The following SLC9A9 variants were observed in gnomAD, a reference collection of about 807,000 sequenced individuals.
SLC9A9 encodes solute carrier family 9 member A9, also known as sodium/hydrogen exchanger 9.
In SLC9A9, 62 loss-of-function variants were observed where a neutral mutation model predicts 77.8. That is an observed-to-expected ratio of 0.80 (90% CI 0.65 to 0.98). SLC9A9 has a LOEUF of 0.98. Among genes scored for constraint, SLC9A9 ranks in the 50% least tolerant of loss-of-function variants. The pLI is 0.00. For synonymous variants in SLC9A9, 320 were observed against 283.5 expected (o/e 1.13, Z -1.29); for missense variants, 775 against 774.9 (o/e 1.00, Z 0.00).
intron 2 of SLC9A9, among the ~76,000 whole-genome samples, chr3:143,821,684 C>A (rs1013118070): frequency 2.0e-5 from 3 of 152,178 alleles, no homozygotes; most frequent in South Asian, 4.1e-4. Flanking sequence ...TGATTTGTAC[C>A]TTTTGCCAAT....
chr3:143,350,008 T>C (rs1405481672), intron 14 of SLC9A9, among the ~76,000 whole-genome samples: 5 of 152,110 alleles, frequency 3.3e-5, no homozygotes, highest in African/African-American at 1.2e-4. Flanking sequence ...ATGGAGCAGG[T>C]TCATATAAAT....
intron 12 of SLC9A9, among the ~76,000 whole-genome samples, chr3:143,383,526 T>C (rs1027249562): frequency 6.6e-6 from 1 of 152,202 alleles, no homozygotes; most frequent in Non-Finnish European, 1.5e-5. Context: ...GTGTTGAAAC[T>C]ATGTATTTTT....
chr3:143,707,976 G>A (rs1013621860), intron 4 of SLC9A9, among the ~76,000 whole-genome samples: 3 of 152,148 alleles, frequency 2.0e-5, no homozygotes, highest in East Asian at 3.9e-4. Flanking sequence ...ACCCTTGCAT[G>A]TTTGGGTCAG....
intron 12 of SLC9A9, among the ~76,000 whole-genome samples, chr3:143,402,539 T>C (rs780678171): frequency 7.3e-5 from 11 of 151,710 alleles, no homozygotes; most frequent in Non-Finnish European, 1.6e-4. Flanking sequence ...TCCTGGGACC[T>C]TGTTGTTGAG....
At chr3:143,605,798 GT>G (rs1220826315) in intron 6 of SLC9A9, among the ~76,000 whole-genome samples, 1 of 152,148 alleles carries the variant, frequency 6.6e-6, no homozygotes, top group African/African-American at 2.4e-5. Flanking sequence ...TGTTAAGCAA[GT>G]TATGCAACCT....
At chr3:143,347,056 A>G (rs1460110761) in intron 14 of SLC9A9, 2 of 152,324 alleles carry the variant, frequency 1.3e-5, no homozygotes, top group East Asian at 3.9e-4. Context: ...GCCTCAAATA[A>G]AAAGCATCTA....
intron 12 of SLC9A9, among the ~76,000 whole-genome samples, chr3:143,406,310 A>T (rs1487762252): frequency 6.6e-6 from 1 of 152,164 alleles, no homozygotes. Flanking sequence ...TTTGTAATTC[A>T]CATAGATCCA....
chr3:143,632,538 C>T (rs78166520), intron 6 of SLC9A9, among the ~76,000 whole-genome samples: 2,657 of 152,204 alleles, frequency 0.017, 90 homozygotes, highest in African/African-American at 0.06. Flanking sequence ...AGTAACATTA[C>T]CCAACTGATC....
At chr3:143,833,591 C>G (rs1270272735) in intron 1 of SLC9A9, among the ~76,000 whole-genome samples, 1 of 152,156 alleles carries the variant, frequency 6.6e-6, no homozygotes, top group East Asian at 1.9e-4. Context: ...AGAGCAGAGA[C>G]AGCTGGGATG....
intron 2 of SLC9A9, among the ~76,000 whole-genome samples, chr3:143,815,377 G>A (rs1356846143): frequency 6.6e-6 from 1 of 152,136 alleles, no homozygotes; most frequent in African/African-American, 2.4e-5. Flanking sequence ...GCCATCAAAG[G>A]GAGAAGCTGC....
chr3:143,420,447 C>T (rs929461302), intron 12 of SLC9A9, among the ~76,000 whole-genome samples: 1 of 152,158 alleles, frequency 6.6e-6, no homozygotes, highest in Non-Finnish European at 1.5e-5. Flanking sequence ...CTAGTTCTGC[C>T]TCATCTTGGG....
chr3:143,579,115 A>G (rs2037413200), intron 6 of SLC9A9, among the ~76,000 whole-genome samples: 1 of 152,216 alleles, frequency 6.6e-6, no homozygotes, highest in South Asian at 2.1e-4. Flanking sequence ...CCTGATAAAA[A>G]GTGCACTTTT....
chr3:143,421,286 C>G (rs559222607), intron 12 of SLC9A9, among the ~76,000 whole-genome samples: 1 of 152,018 alleles, frequency 6.6e-6, no homozygotes, highest in Non-Finnish European at 1.5e-5. Flanking sequence ...TCATATGGAA[C>G]CAAAAAGAGC....
chr3:143,779,982 C>G (rs1442228566), intron 4 of SLC9A9, among the ~76,000 whole-genome samples: 1 of 152,174 alleles, frequency 6.6e-6, no homozygotes, highest in Non-Finnish European at 1.5e-5. Flanking sequence ...CTCTCGATTT[C>G]TCTGTGCTGG....
intron 6 of SLC9A9, among the ~76,000 whole-genome samples, chr3:143,645,995 T>G (rs901521112): frequency 6.6e-6 from 1 of 152,108 alleles, no homozygotes; most frequent in East Asian, 1.9e-4. Flanking sequence ...TGCAGATAAA[T>G]GGCCCAAAAC....
intron 9 of SLC9A9, chr3:143,518,019 C>G (rs1401010099): frequency 2.1e-6 from 3 of 1,426,684 alleles, no homozygotes; most frequent in Non-Finnish European, 2.9e-6. Context: ...GGTTCTTCTG[C>G]CTTTAAGTCT....
chr3:143,640,157 G>T (rs2038598076), intron 6 of SLC9A9, among the ~76,000 whole-genome samples: 1 of 151,780 alleles, frequency 6.6e-6, no homozygotes, highest in Admixed American at 6.6e-5. Flanking sequence ...AGTTAGCTGG[G>T]ACTACAGGCA....
chr3:143,828,430 G>A (rs1900643), intron 2 of SLC9A9, among the ~76,000 whole-genome samples: 117,555 of 152,150 alleles, frequency 0.77, 51,630 homozygotes, highest in Non-Finnish European at 0.96. Flanking sequence ...CTGCCTTTGT[G>A]AAGTTTACAG....
chr3:143,505,689 A>C (rs2036002846), intron 9 of SLC9A9, among the ~76,000 whole-genome samples: 1 of 152,224 alleles, frequency 6.6e-6, no homozygotes, highest in Admixed American at 6.5e-5. Context: ...AAAACATGAG[A>C]ATTTCAAAAG....
Sources: gnomAD v4.1 joint callset for allele counts (sites outside exome capture counted in the v4.1 genomes callset) on GRCh38, gnomAD v4.1.1 for gene constraint, MANE v1.5 for transcripts, NCBI Gene and HGNC (gene_info 2026-07-23, HGNC 2026-07-21) for gene names.